The following SPAG9 variants were observed in gnomAD, a reference collection of about 807,000 sequenced individuals.
SPAG9 encodes C-Jun-amino-terminal kinase-interacting protein 4.
In SPAG9, 35 loss-of-function variants were observed where a neutral mutation model predicts 166.5. The ratio of observed to expected loss-of-function variants is 0.21; its 90% CI spans 0.16 to 0.28. The LOEUF (loss-of-function observed/expected upper bound fraction) is 0.28, where lower values mean the gene tolerates loss of function less well. Ranked by LOEUF, SPAG9 falls within the 10% of genes least tolerant of loss-of-function variation. SPAG9 has a pLI of 1.00. For missense variants in SPAG9, 1,235 were observed against 1,603.3 expected, an observed-to-expected ratio of 0.77 and a Z score of 3.92; for synonymous variants, 534 against 565.5, an observed-to-expected ratio of 0.94 and a Z score of 0.79.
Position 51,080,516 on chromosome 17 carries a change from A to C in SPAG9, c.304-812T>G, listed in dbSNP as rs543613854. On this transcript the variant is annotated intron_variant, in intron 1 of 29. Transcript: ENST00000262013. ...ATATGCTGACAACTTCTGAATTTCT[A>C]TCTCTAGCCCAGACCTGAATTCCAG... is the stretch of plus-strand genomic sequence containing the variant. Among the ~76,000 whole-genome samples the C allele has an allele frequency of 3.3e-5, 5 of 152,226 alleles. No homozygotes were observed. In the East Asian group the frequency reaches 9.6e-4, roughly 29 times the overall value.
At chr17:51,052,513 G>A (rs1289725743) in intron 3 of SPAG9, among the ~76,000 whole-genome samples, 1 of 152,106 alleles carries the variant, frequency 6.6e-6, no homozygotes, top group Non-Finnish European at 1.5e-5. Context: ...AAGAGCTTTT[G>A]GGCGGCGTGG....
rs575742546 is a variant in SPAG9, at chr17:51,005,475, A to G, written c.1425-212T>C. On this transcript the variant is annotated intron_variant, in intron 11 of 29. Transcript: ENST00000262013. ...ATTAAAGAAAGTGGGATAAAAAAAT[A>G]ATGTTTTAAATTTCCTTATTATCAA... Among the ~76,000 whole-genome samples, 9 of 152,368 alleles carry G rather than the reference A, an allele frequency of 5.9e-5. No individual in the cohort carries two copies. In the East Asian group the frequency reaches 1.7e-3, roughly 29 times the overall value.
At chr17:51,016,418 G>C (rs188015075) in intron 8 of SPAG9, among the ~76,000 whole-genome samples, 152 of 152,336 alleles carry the variant, frequency 1.0e-3, no homozygotes, top group Non-Finnish European at 1.6e-3. Flanking sequence ...GTCTCAATTG[G>C]AGAATGGGAA....
chr17:50,975,282 T>C (rs1974130829), intron 27 of SPAG9: 1 of 248,970 alleles, frequency 4.0e-6, no homozygotes, highest in Non-Finnish European at 7.6e-6. Context: ...TTAATGCACA[T>C]GTTAGAAAAC....
chr17:50,975,117 T>A, intron 27 of SPAG9, 170 bp from the exon 28 acceptor site: 1 of 577,090 alleles, frequency 1.7e-6, no homozygotes, highest in Non-Finnish European at 2.9e-6. Flanking sequence ...AGATACAGCA[T>A]GCTAGTTATT....
At chr17:51,071,700 T>C (rs2047824533) in intron 2 of SPAG9, among the ~76,000 whole-genome samples, 1 of 152,230 alleles carries the variant, frequency 6.6e-6, no homozygotes, top group African/African-American at 2.4e-5. Flanking sequence ...ATTCAGTTCC[T>C]ATTTCTTTAC....
At chr17:51,005,317 CA>C in intron 11 of SPAG9, 54 bp from the exon 12 acceptor site, 1 of 1,544,896 alleles carries the variant, frequency 6.5e-7, no homozygotes, top group Non-Finnish European at 8.9e-7. Flanking sequence ...CTCATCTTTT[CA>C]AAAAAATAAG....
At chr17:51,029,515 T>C (rs1379603468) in intron 6 of SPAG9, among the ~76,000 whole-genome samples, 5 of 152,166 alleles carry the variant, frequency 3.3e-5, no homozygotes, top group Non-Finnish European at 7.3e-5. Flanking sequence ...CCAACCCAAA[T>C]GTCCATTAAC....
intron 19 of SPAG9, among the ~76,000 whole-genome samples, chr17:50,992,985 A>G (rs905826800): frequency 4.6e-5 from 7 of 151,774 alleles, no homozygotes; most frequent in Non-Finnish European, 4.4e-5. Context: ...AGTCCCAGCT[A>G]CTTGGGAGGC....
intron 21 of SPAG9, among the ~76,000 whole-genome samples, chr17:50,989,184 A>T (rs1975324778): frequency 6.6e-6 from 1 of 152,218 alleles, no homozygotes; most frequent in Non-Finnish European, 1.5e-5. Context: ...ATACTACTAT[A>T]TTTCTACAGT....
chr17:50,964,096 T>C lies in SPAG9; in HGVS notation c.*2176A>G, dbSNP rs1567939572. 1 of 152,180 alleles carries C rather than the reference T, an allele frequency of 6.6e-6. No individual in the cohort carries two copies. Among genetic ancestry groups the C allele is most frequent in the Non-Finnish European group, 1.5e-5 (1 of 68,032 alleles). 9.4% of individuals were successfully genotyped at this position (152,180 alleles called of 1,614,324 possible). ...CTTCACAATCTAGCCTAATCGTGTA[T>C]ATGCATAAAAGCCACTGGTATACTT... On this transcript the variant is annotated 3_prime_UTR_variant, in exon 30 of 30. Transcript: ENST00000262013.
At chr17:51,032,232 G>T (rs919483243) in intron 5 of SPAG9, among the ~76,000 whole-genome samples, 4 of 152,144 alleles carry the variant, frequency 2.6e-5, no homozygotes, top group African/African-American at 9.7e-5. Flanking sequence ...CACGATCACG[G>T]CTTGCTGCAG....
At chr17:50,996,481 C>A in intron 16 of SPAG9, 84 bp downstream of exon 16, 2 of 1,499,360 alleles carry the variant, frequency 1.3e-6, no homozygotes, top group Admixed American at 1.7e-5. Context: ...GGCTGGGATG[C>A]GTACAGTGAA....
intron 15 of SPAG9, 84 bp downstream of exon 15, chr17:50,998,360 A>C: frequency 1.6e-6 from 2 of 1,248,514 alleles, no homozygotes; most frequent in Non-Finnish European, 2.2e-6. Context: ...ATTTACCTGA[A>C]TCCTTAGAGC....
intron 7 of SPAG9, 45 bp downstream of exon 7, chr17:51,021,113 T>A (rs1183506551): frequency 6.7e-7 from 1 of 1,501,238 alleles, no homozygotes; most frequent in East Asian, 2.3e-5. Flanking sequence ...ATTATCCAGG[T>A]TTACTGAATA....
intron 21 of SPAG9, among the ~76,000 whole-genome samples, chr17:50,988,706 A>G (rs1018989088): frequency 3.3e-5 from 5 of 152,124 alleles, no homozygotes; most frequent in Non-Finnish European, 7.4e-5. Context: ...GGTGCACGCT[A>G]CCACGCCCAG....
intron 1 of SPAG9, among the ~76,000 whole-genome samples, chr17:51,104,440 C>G (rs990496934): frequency 3.9e-5 from 6 of 152,116 alleles, no homozygotes; most frequent in Admixed American, 3.3e-4. Context: ...AGATCAAGAC[C>G]AGTCTGACCA....
intron 2 of SPAG9, among the ~76,000 whole-genome samples, chr17:51,063,904 AAG>A (rs2047588756): frequency 6.6e-6 from 1 of 152,034 alleles, no homozygotes; most frequent in African/African-American, 2.4e-5. Context: ...ATAAATAAGT[AAG>A]TAAGTAAGTA....
rs557131095 is a variant in SPAG9 at position 51,120,184 on chromosome 17, C to T, written c.303+170G>A. 3.9e-5 allele frequency among the ~76,000 whole-genome samples: 6 copies of T among 152,344 alleles called. No homozygotes were observed. Among genetic ancestry groups the T allele is most frequent in the African/African-American group, 1.4e-4 (6 of 41,586 alleles). On this transcript the variant is annotated intron_variant, in intron 1 of 29. Transcript: ENST00000262013. The surrounding 1 kb of genome is among the most constrained non-coding windows in gnomAD (Gnocchi z 4.7). ...AGCCGGCCTCGGCTTCCAACGCCGGCCTGGCTCCCGGGGTACCTGGAGGCC... is the reference window on the plus strand; with the variant it reads ...AGCCGGCCTCGGCTTCCAACGCCGGTCTGGCTCCCGGGGTACCTGGAGGCC...
Sources: gnomAD v4.1 joint callset for allele counts (sites outside exome capture counted in the v4.1 genomes callset) on GRCh38, gnomAD v4.1.1 for gene constraint, Gnocchi (gnomAD v3.1) non-coding constraint, MANE v1.5 for transcripts, NCBI Gene and HGNC (gene_info 2026-07-23, HGNC 2026-07-21) for gene names.